Variants in ARHGAP31 observed in about 807,000 individuals in gnomAD.
ARHGAP31 encodes the protein rho GTPase-activating protein 31.
Under a neutral mutation model 113.9 loss-of-function variants are expected in ARHGAP31, and 34 were observed. The observed-to-expected ratio is 0.30, with a 90% CI of 0.23 to 0.40. The LOEUF (loss-of-function observed/expected upper bound fraction) is 0.40, where lower values mean the gene tolerates loss of function less well. Ranked by LOEUF, ARHGAP31 falls within the 10% of genes least tolerant of loss-of-function variation. The pLI is 1.00. For missense variants in ARHGAP31, 1,548 were observed against 1,767.1 expected, an observed-to-expected ratio of 0.88 and a Z score of 2.22; for synonymous variants, 650 against 684.8, an observed-to-expected ratio of 0.95 and a Z score of 0.79.
chr3:119,355,659 C>T (rs190660104), intron 1 of ARHGAP31, among the ~76,000 whole-genome samples: 8 of 152,144 alleles, frequency 5.3e-5, no homozygotes, highest in African/African-American at 1.9e-4. Flanking sequence ...CGACAGGCCC[C>T]GGTGTGTGAT....
chr3:119,419,111 T>C lies in ARHGAP31; in HGVS notation c.*2847T>C, dbSNP rs2080802691. On this transcript the variant is annotated 3_prime_UTR_variant, in exon 12 of 12. Coordinates refer to ENST00000264245, the MANE Select transcript of ARHGAP31 (RefSeq NM_020754.4). ...ATGGCTGGATGGGAATCAGATAGTC[T>C]GCTTCCATTCAGGAGAGGGACAGAA... 1 of 152,184 alleles carries C rather than the reference T, an allele frequency of 6.6e-6. No individual in the cohort carries two copies. Among genetic ancestry groups the C allele is most frequent in the East Asian group, 1.9e-4 (1 of 5,192 alleles). The allele number at this position is 152,184 out of a possible 1,614,324, so 9.4% of individuals were successfully genotyped here. A position where few individuals can be genotyped will look rare whatever the true frequency, so the allele number is the denominator to read the frequency against.
At chr3:119,342,538 G>A (rs1252547739) in intron 1 of ARHGAP31, among the ~76,000 whole-genome samples, 2 of 152,144 alleles carry the variant, frequency 1.3e-5, no homozygotes, top group African/African-American at 2.4e-5. Flanking sequence ...AAAACTGGCT[G>A]GATCCTGAAT....
chr3:119,304,894 CAAAATAAAATAAAATAAAAT>C (rs71156741), intron 1 of ARHGAP31, among the ~76,000 whole-genome samples: 54,329 of 144,722 alleles, frequency 0.38, 12,127 homozygotes, highest in African/African-American at 0.63. Flanking sequence ...GACTCTGTCT[CAAAATAAAATAAAATAAAAT>C]AAAATAAAAT....
intron 1 of ARHGAP31, among the ~76,000 whole-genome samples, chr3:119,296,661 A>C (rs910384073): frequency 2.0e-5 from 3 of 152,150 alleles, no homozygotes; most frequent in Non-Finnish European, 4.4e-5. Flanking sequence ...CCAGAACCCC[A>C]GGGTTCTATG....
chr3:119,321,680 G>A (rs112962265), intron 1 of ARHGAP31, among the ~76,000 whole-genome samples: 2 of 151,958 alleles, frequency 1.3e-5, no homozygotes, highest in South Asian at 2.1e-4. Flanking sequence ...ACGGAGACTC[G>A]CTCTGTTGCC....
In ARHGAP31 at chr3:119,402,221, T is replaced by C; in HGVS notation, c.1469T>C (p.Phe490Ser). 6.2e-7 allele frequency: 1 copy of C among 1,614,278 alleles called. No homozygotes were observed. The highest frequency in any genetic ancestry group is 8.5e-7 in the Non-Finnish European group (1 of 1,180,054). The change falls in exon 10 of 12, where the codon TTT becomes TCT. Residue 490 changes from phenylalanine (F) to serine (S), a missense_variant. By Grantham distance (155) the Phe-to-Ser change is radical. Transcript: ENST00000264245. Reference protein sequence around the residue: ...QRKALNISEPFAVSVPLRVSA... With the variant: ...QRKALNISEPSAVSVPLRVSA... ...AAGGCGCTGAACATCTCCGAGCCCT[T>C]TGCGGTATCTGTGCCGCTCCGCGTG...
intron 9 of ARHGAP31, 35 bp from the exon 10 acceptor site, chr3:119,401,787 C>T (rs1460133365): frequency 6.2e-7 from 1 of 1,602,964 alleles, no homozygotes; most frequent in Admixed American, 1.7e-5. Flanking sequence ...ATGTGTGCCC[C>T]GGCTGCTGAC....
chr3:119,360,020 T>C (rs1352976467), intron 1 of ARHGAP31, among the ~76,000 whole-genome samples: 2 of 152,202 alleles, frequency 1.3e-5, no homozygotes, highest in African/African-American at 2.4e-5. Flanking sequence ...TCAAACAAGA[T>C]GATGAACATA....
rs182105164 is a variant in ARHGAP31 at position 119,344,864 on chromosome 3, G to A, written c.101-20452G>A. Among the ~76,000 whole-genome samples the A allele has an allele frequency of 2.2e-3, 336 of 152,236 alleles. 4 individuals carry two copies. In the South Asian group the frequency reaches 0.025, roughly 11 times the overall value. On this transcript the variant is annotated intron_variant, in intron 1 of 11. Coordinates refer to ENST00000264245, the MANE Select transcript of ARHGAP31 (RefSeq NM_020754.4). ...TTTTCAAATAAAGAAACTGAACCTG[G>A]TAGGTTAGGTAACCAACCATAGTTT...
intron 1 of ARHGAP31, among the ~76,000 whole-genome samples, chr3:119,349,108 A>G (rs1460664112): frequency 1.3e-5 from 2 of 152,216 alleles, no homozygotes; most frequent in African/African-American, 2.4e-5. Context: ...TATATAAGGA[A>G]TAATATATTA....
At chr3:119,332,056 T>G (rs2079895814) in intron 1 of ARHGAP31, among the ~76,000 whole-genome samples, 1 of 152,122 alleles carries the variant, frequency 6.6e-6, no homozygotes, top group Non-Finnish European at 1.5e-5. Flanking sequence ...TACTTCTGCT[T>G]GAAGCCCTTT....
At chr3:119,307,098 G>A (rs558593251) in intron 1 of ARHGAP31, among the ~76,000 whole-genome samples, 8 of 150,728 alleles carry the variant, frequency 5.3e-5, no homozygotes, top group East Asian at 1.9e-4. Context: ...TAACCTATCC[G>A]CAGTGTGTAG....
intron 11 of ARHGAP31, among the ~76,000 whole-genome samples, chr3:119,413,239 C>T (rs2080733236): frequency 6.6e-6 from 1 of 151,348 alleles, no homozygotes; most frequent in African/African-American, 2.4e-5. Flanking sequence ...ATCGTGTGAA[C>T]CCAGGAGACA....
rs71156743 is a variant in ARHGAP31, at chr3:119,332,635, TCACACACA to T, written c.101-32647_101-32640del. On this transcript the variant is annotated intron_variant, in intron 1 of 11. Transcript: ENST00000264245. Reference sequence around the variant, plus strand: ...CTCTCTCTCTCTCTCTCTCTCTCTCTCACACACACACACACACACACACACACACACAC... The same window carrying T: ...CTCTCTCTCTCTCTCTCTCTCTCTCTCACACACACACACACACACACACAC... Among the ~76,000 whole-genome samples the T allele has an allele frequency of 8.7e-3, 745 of 85,678 alleles. 10 individuals are homozygous for T. Among genetic ancestry groups the T allele is most frequent in the African/African-American group, 0.033 (607 of 18,504 alleles). The allele number at this position is 85,678 out of a possible 152,430, so 56.2% of individuals were successfully genotyped here. A position where few individuals can be genotyped will look rare whatever the true frequency, so the allele number is the denominator to read the frequency against.
intron 1 of ARHGAP31, among the ~76,000 whole-genome samples, chr3:119,305,469 T>C (rs1261941416): frequency 6.6e-6 from 1 of 152,208 alleles, no homozygotes; most frequent in Non-Finnish European, 1.5e-5. Context: ...GAAACAATGA[T>C]GTCAACTCTT....
chr3:119,377,669 C>T (rs2080360782), intron 3 of ARHGAP31, among the ~76,000 whole-genome samples: 1 of 151,886 alleles, frequency 6.6e-6, no homozygotes, highest in South Asian at 2.1e-4. Flanking sequence ...TAAAGCCTGC[C>T]CTGAAGGACA....
At chr3:119,400,988 T>G (rs2080599607) in intron 9 of ARHGAP31, among the ~76,000 whole-genome samples, 1 of 152,092 alleles carries the variant, frequency 6.6e-6, no homozygotes, top group Non-Finnish European at 1.5e-5. Context: ...CTGGCCAACA[T>G]GGTGAGATCT....
rs184614486 is a variant in ARHGAP31, at chr3:119,395,825, T to C, written c.1006+2234T>C. 1.4e-3 allele frequency among the ~76,000 whole-genome samples: 208 copies of C among 152,232 alleles called. 2 individuals carry two copies. Among genetic ancestry groups the C allele is most frequent in the African/African-American group, 4.8e-3 (199 of 41,532 alleles). On this transcript the variant is annotated intron_variant, in intron 8 of 11. Transcript: ENST00000264245. The stretch of plus-strand genomic sequence containing the variant: ...GATTCTGGGTCTGCATCTGTAATCA[T>C]CGTATGGCAAAACTCAGCTTACACA...
At chr3:119,394,057 T>C (rs2080527100) in intron 8 of ARHGAP31, among the ~76,000 whole-genome samples, 1 of 152,192 alleles carries the variant, frequency 6.6e-6, no homozygotes, top group African/African-American at 2.4e-5. Context: ...ATTTGTTTAG[T>C]AGAATATACC....
Sources: gnomAD v4.1 joint callset for allele counts (sites outside exome capture counted in the v4.1 genomes callset) on GRCh38, gnomAD v4.1.1 for gene constraint, MANE v1.5 for transcripts, NCBI Gene and HGNC (gene_info 2026-07-23, HGNC 2026-07-21) for gene names.